DMD: variants seen among roughly 807,000 people sequenced by gnomAD.
The protein encoded by DMD is mutant dystrophin.
In DMD, 63 loss-of-function variants were observed where a neutral mutation model predicts 330.1. That is an observed-to-expected ratio of 0.19 (90% CI 0.16 to 0.24). The LOEUF (loss-of-function observed/expected upper bound fraction) is 0.24, where lower values mean the gene tolerates loss of function less well. Among genes scored for constraint, DMD ranks in the 10% least tolerant of loss-of-function variants. DMD has a pLI of 1.00. For missense variants in DMD, 3,344 were observed against 2,684.1 expected (o/e 1.25, Z -5.43); for synonymous variants, 1,223 against 959.8 (o/e 1.27, Z -5.07).
chrX:32,559,784 C>T (rs779195703), intron 16 of DMD, among the ~76,000 whole-genome samples: 2 of 111,945 alleles, frequency 1.8e-5, no homozygotes, highest in Non-Finnish European at 3.8e-5. Context: ...TTTTATATTA[C>T]TATTTGATAG....
intron 7 of DMD, among the ~76,000 whole-genome samples, chrX:32,722,469 T>C: frequency 9.0e-6 from 1 of 110,500 alleles, no homozygotes; most frequent in Non-Finnish European, 1.9e-5. Flanking sequence ...TTTAAGCATC[T>C]TTGGATTTTG....
chrX:33,128,174 C>G (rs2095476593), intron 1 of DMD: 7 of 1,204,197 alleles, frequency 5.8e-6, no homozygotes, highest in Non-Finnish European at 7.8e-6. Context: ...ATTTCAAATT[C>G]TGCGGAGGCT....
chrX:32,311,093 A>G (rs767874800), intron 41 of DMD, among the ~76,000 whole-genome samples: 1 of 110,622 alleles, frequency 9.0e-6, no homozygotes, highest in Admixed American at 9.7e-5. Flanking sequence ...ACTACTTGGC[A>G]GGCAAATTCA....
intron 2 of DMD, among the ~76,000 whole-genome samples, chrX:32,984,976 A>G (rs2092807033): frequency 8.9e-6 from 1 of 112,084 alleles, no homozygotes; most frequent in African/African-American, 3.2e-5. Context: ...CAACCTCCCG[A>G]TATTTAATTG....
chrX:31,754,864 T>C (rs2088921351), intron 51 of DMD, among the ~76,000 whole-genome samples: 1 of 111,978 alleles, frequency 8.9e-6, no homozygotes, highest in South Asian at 3.7e-4. Context: ...CTTTGCAATA[T>C]ATACAAAGAA....
chrX:32,527,504 G>T (rs1292257594), intron 17 of DMD, among the ~76,000 whole-genome samples: 2 of 109,754 alleles, frequency 1.8e-5, no homozygotes, highest in Non-Finnish European at 3.8e-5. Flanking sequence ...AGGTTTTCTT[G>T]ATCAACCTCT....
chrX:31,240,087 A>G (rs981547526), intron 63 of DMD, among the ~76,000 whole-genome samples: 2 of 111,666 alleles, frequency 1.8e-5, no homozygotes, highest in East Asian at 2.8e-4. Context: ...AGGCCACGAG[A>G]TGCTGATGTT....
At chrX:32,639,544 A>C (rs1448455467) in intron 11 of DMD, among the ~76,000 whole-genome samples, 1 of 112,631 alleles carries the variant, frequency 8.9e-6, no homozygotes, top group Non-Finnish European at 1.9e-5. Context: ...GCACGTGCCA[A>C]ACTCATTTGT....
chrX:31,660,085 T>C, intron 53 of DMD, among the ~76,000 whole-genome samples: 1 of 112,273 alleles, frequency 8.9e-6, no homozygotes, highest in East Asian at 2.8e-4. Flanking sequence ...TAGTATTTAC[T>C]GCATATAGCA....
chrX:32,765,784 A>T (rs2072910931), intron 7 of DMD, among the ~76,000 whole-genome samples: 1 of 111,729 alleles, frequency 9.0e-6, no homozygotes, highest in Non-Finnish European at 1.9e-5. Context: ...TAATTGCCCA[A>T]TCTAATGTTT....
intron 2 of DMD, among the ~76,000 whole-genome samples, chrX:32,889,175 G>T (rs949901705): frequency 1.8e-5 from 2 of 110,857 alleles, no homozygotes; most frequent in Admixed American, 9.6e-5. Context: ...ACCCAGGCAA[G>T]AATCGTGAGC....
intron 74 of DMD, among the ~76,000 whole-genome samples, chrX:31,163,150 G>T (rs138895819): frequency 0.063 from 7,031 of 111,507 alleles, 394 homozygotes; most frequent in African/African-American, 0.16. Flanking sequence ...AGTTTGGCTG[G>T]ATCTCCACCC....
At chrX:32,389,477 G>A (rs759023863) in intron 32 of DMD, 24 bp downstream of exon 32, 101 of 1,204,561 alleles carry the variant, frequency 8.4e-5, no homozygotes, top group Admixed American at 1.1e-4. Context: ...GGGTACCTGC[G>A]TATTTGCCAC....
chrX:31,803,667 T>C (rs1415999680), intron 50 of DMD, among the ~76,000 whole-genome samples: 2 of 80,906 alleles, frequency 2.5e-5, no homozygotes, highest in Non-Finnish European at 4.8e-5. Flanking sequence ...CCTCTCTCTC[T>C]TTCTCTGTTT....
intron 2 of DMD, among the ~76,000 whole-genome samples, chrX:32,902,158 A>AACAC (rs774414536): frequency 0.18 from 15,252 of 86,432 alleles, 1,260 homozygotes; most frequent in Middle Eastern, 0.29. Context: ...CACACACACA[A>AACAC]ACACACACAC....
intron 9 of DMD, among the ~76,000 whole-genome samples, chrX:32,655,293 C>T (rs1419265367): frequency 8.9e-6 from 1 of 112,348 alleles, no homozygotes; most frequent in African/African-American, 3.2e-5. Context: ...AAATTTCCCT[C>T]TACACACTGC....
chrX:32,238,389 C>T (rs1348774986), intron 43 of DMD, among the ~76,000 whole-genome samples: 2 of 109,675 alleles, frequency 1.8e-5, no homozygotes, highest in Admixed American at 9.8e-5. Context: ...TCTCAGCATA[C>T]GTGCATCTCC....
intron 49 of DMD, among the ~76,000 whole-genome samples, chrX:31,820,484 CAG>C (rs1350093411): frequency 8.9e-6 from 1 of 112,086 alleles, no homozygotes; most frequent in African/African-American, 3.2e-5. Context: ...TCAATTATAT[CAG>C]AGTCTCTTAA....
intron 22 of DMD, among the ~76,000 whole-genome samples, chrX:32,469,940 T>G (rs1360363857): frequency 9.0e-6 from 1 of 111,362 alleles, no homozygotes; most frequent in Non-Finnish European, 1.9e-5. Flanking sequence ...CAGATACAGA[T>G]TTCATGGAAA....
Sources: allele counts gnomAD v4.1 joint callset (sites outside exome capture counted in the v4.1 genomes callset), GRCh38; gene constraint gnomAD v4.1.1; transcripts MANE v1.5; gene names NCBI Gene and HGNC (gene_info 2026-07-23, HGNC 2026-07-21).